The following FAM193A variants were observed in gnomAD, a reference collection of about 807,000 sequenced individuals.
FAM193A encodes family with sequence similarity 193 member A, also known as protein FAM193A.
A neutral mutation model predicts 126.5 loss-of-function variants in FAM193A; 22 were observed. The ratio of observed to expected loss-of-function variants is 0.17; its 90% confidence interval spans 0.12 to 0.25. The LOEUF (loss-of-function observed/expected upper bound fraction) is 0.25. FAM193A is among the 10% of genes least tolerant of loss of function. The probability of loss-of-function intolerance (pLI) is 1.00; values close to 1 mark genes in which losing one functional copy is unlikely to be tolerated. For missense variants in FAM193A, 1,675 were observed against 1,672.8 expected (o/e 1.00, Z -0.02); for synonymous variants, 761 against 646.8 (o/e 1.18, Z -2.68).
chr4:2,584,762 T>TA (rs1369285930), intron 1 of FAM193A, among the ~76,000 whole-genome samples: 1 of 152,064 alleles, frequency 6.6e-6, no homozygotes, highest in Admixed American at 6.5e-5. Context: ...CCATCTTTAC[T>TA]AAAAATACAA....
intron 1 of FAM193A, among the ~76,000 whole-genome samples, chr4:2,590,608 G>A (rs968263251): frequency 1.3e-5 from 2 of 151,930 alleles, no homozygotes; most frequent in Admixed American, 6.6e-5. Context: ...AGTTCCCTTA[G>A]CATTTACTGG....
At chr4:2,561,481 C>A (rs1057073390) in intron 1 of FAM193A, among the ~76,000 whole-genome samples, 1 of 146,984 alleles carries the variant, frequency 6.8e-6, no homozygotes, top group African/African-American at 2.5e-5. Context: ...CCATGCCTGG[C>A]TGCTTGTAGA....
At chr4:2,646,167 T>C (rs1306137195) in intron 6 of FAM193A, among the ~76,000 whole-genome samples, 24 of 123,496 alleles carry the variant, frequency 1.9e-4, no homozygotes, top group Non-Finnish European at 2.8e-4. Context: ...TCCTTTTTTT[T>C]TTTTTTTTTT....
At position 2,699,699 on chromosome 4, in the gene FAM193A, T is replaced by A. The variant is rs1222999639; in HGVS notation, c.3527T>A (p.Leu1176Gln). Residue 1176 changes from leucine to glutamine, a missense_variant, in exon 19 of 21, where the codon CTA (leucine) becomes CAA (glutamine). Transcript: ENST00000637812. Reference protein sequence around the residue: ...KQRKLEEKARLEAEARAREHL... With the variant: ...KQRKLEEKARQEAEARAREHL... ...TGGCAGCTGGAGGAGAAAGCTCGCC[T>A]AGAAGCAGAGGCCAGGGCCCGGGAG... 26 of 1,605,210 alleles carry A rather than the reference T, an allele frequency of 1.6e-5. No individual in the cohort carries two copies. The highest frequency in any genetic ancestry group is 2.2e-5 in the Non-Finnish European group (26 of 1,177,040).
chr4:2,705,615 G>C (rs1210145148), intron 19 of FAM193A, among the ~76,000 whole-genome samples: 1 of 151,428 alleles, frequency 6.6e-6, no homozygotes, highest in East Asian at 1.9e-4. Context: ...TGGGGTATAG[G>C]GTCTTGCTCT....
At position 2,616,332 on chromosome 4, in the gene FAM193A, TG is replaced by T. The variant is rs1191856364; in HGVS notation, c.502-8928del. On this transcript the variant is annotated intron_variant, in intron 2 of 20. Coordinates refer to ENST00000637812, the MANE Select transcript of FAM193A (RefSeq NM_001366318.2). The stretch of plus-strand genomic sequence containing the variant: ...TAGCCTTTTTTCATTAGTGTGTACA[TG>T]GAATATGGCTTCCCAACCTTTCTTT... 2.0e-5 allele frequency among the ~76,000 whole-genome samples: 3 copies of T among 152,208 alleles called. No homozygotes were observed. In the East Asian group the frequency reaches 5.8e-4, roughly 29 times the overall value.
intron 6 of FAM193A, 119 bp from the exon 7 acceptor site, chr4:2,646,566 T>C: frequency 3.7e-6 from 4 of 1,092,370 alleles, no homozygotes; most frequent in Non-Finnish European, 5.3e-6. Context: ...TGGCACCCTG[T>C]TTTCCACGTT....
chr4:2,695,066 C>T lies in FAM193A; in HGVS notation c.3213C>T (p.Ser1071=). The T allele has an allele frequency of 6.2e-7, 1 of 1,609,354 alleles. No homozygotes were observed. The highest frequency in any genetic ancestry group is 1.1e-5 in the South Asian group (1 of 90,138). ...CSEHSSSTST[S]TNQKEGKYCD... ...AGCACAGCTCCAGCACCTCGACCTC[C>T]ACCAACCAGAAGGAGGGCAAGTACT... Residue 1071 remains serine, a synonymous_variant, in exon 17 of 21, where the codon TCC becomes TCT. Transcript: ENST00000637812.
intron 10 of FAM193A, among the ~76,000 whole-genome samples, chr4:2,662,108 G>T (rs1005889033): frequency 2.0e-5 from 3 of 152,082 alleles, no homozygotes; most frequent in African/African-American, 7.2e-5. Flanking sequence ...GCGTGAACCT[G>T]GGGGGTGGAG....
At chr4:2,654,821 G>A (rs1401021529) in intron 7 of FAM193A, 6 of 353,992 alleles carry the variant, frequency 1.7e-5, no homozygotes, top group Non-Finnish European at 3.1e-5. Context: ...TAGTTTGAGG[G>A]GCTGCTATGA....
rs534163396 is a variant in FAM193A, at chr4:2,707,626, G to A, written c.4372+7082G>A. Among the ~76,000 whole-genome samples the A allele has an allele frequency of 3.6e-3, 546 of 150,686 alleles. 4 individuals are homozygous for A. The highest frequency in any genetic ancestry group is 0.013 in the African/African-American group (524 of 40,980). ...TATATTACTGCAATTAATTTCACCCGTTTCTTTAAAAAAAATTTTTTTTAA... is the reference window on the plus strand; with the variant it reads ...TATATTACTGCAATTAATTTCACCCATTTCTTTAAAAAAAATTTTTTTTAA... On this transcript the variant is annotated intron_variant, in intron 19 of 20. Transcript: ENST00000637812.
chr4:2,573,424 A>C (rs2108863401), intron 1 of FAM193A, among the ~76,000 whole-genome samples: 1 of 151,816 alleles, frequency 6.6e-6, no homozygotes, highest in Non-Finnish European at 1.5e-5. Context: ...GGGGCAGGAG[A>C]ATCACTTGAA....
chr4:2,657,752 G>T (rs375327468), intron 7 of FAM193A, 51 bp from the exon 8 acceptor site: 3 of 1,158,210 alleles, frequency 2.6e-6, no homozygotes, highest in East Asian at 4.7e-5. Flanking sequence ...TATAATTGTC[G>T]CAGGTATTAA....
intron 7 of FAM193A, among the ~76,000 whole-genome samples, chr4:2,653,407 C>G (rs1012924190): frequency 1.3e-5 from 2 of 151,990 alleles, no homozygotes; most frequent in East Asian, 3.8e-4. Flanking sequence ...AAAGAGAAAA[C>G]CAGTCTCTTC....
intron 1 of FAM193A, among the ~76,000 whole-genome samples, chr4:2,580,315 T>C (rs1161544746): frequency 6.6e-6 from 1 of 152,036 alleles, no homozygotes; most frequent in Admixed American, 6.6e-5. Context: ...CAACATACAC[T>C]GTGGCCTATC....
chr4:2,625,806 A>C (rs948223013), intron 3 of FAM193A, among the ~76,000 whole-genome samples: 1 of 147,048 alleles, frequency 6.8e-6, no homozygotes, highest in African/African-American at 2.5e-5. Flanking sequence ...CGCTCACCAC[A>C]ACCTCCGCCT....
chr4:2,537,485 G>A (rs1736953713), intron 1 of FAM193A, among the ~76,000 whole-genome samples: 1 of 152,214 alleles, frequency 6.6e-6, no homozygotes, highest in Admixed American at 6.5e-5. Context: ...CTCAACGGGC[G>A]GGGACGTCTC....
At chr4:2,622,382 C>T (rs1181416445) in intron 2 of FAM193A, among the ~76,000 whole-genome samples, 4 of 151,912 alleles carry the variant, frequency 2.6e-5, no homozygotes, top group Non-Finnish European at 5.9e-5. Flanking sequence ...TGTCCTGCTT[C>T]CTTATGCCTG....
At chr4:2,729,776 A>G (rs1450796446) in intron 20 of FAM193A, among the ~76,000 whole-genome samples, 2 of 151,924 alleles carry the variant, frequency 1.3e-5, no homozygotes, top group Non-Finnish European at 2.9e-5. Flanking sequence ...ACACCTGGCT[A>G]ATTTTTGTGT....
Sources: gnomAD v4.1 joint callset for allele counts (sites outside exome capture counted in the v4.1 genomes callset) on GRCh38, gnomAD v4.1.1 for gene constraint, MANE v1.5 for transcripts, NCBI Gene and HGNC (gene_info 2026-07-23, HGNC 2026-07-21) for gene names.